Variants in CCM2 observed in about 807,000 individuals in gnomAD.
CCM2 encodes cerebral cavernous malformations 2 protein.
CCM2 carries 25 observed loss-of-function variants against 44.9 expected under a neutral mutation model. That is an observed-to-expected ratio of 0.56 (90% CI 0.41 to 0.78). The LOEUF (loss-of-function observed/expected upper bound fraction) is 0.78, where lower values mean the gene tolerates loss of function less well. Ranked by LOEUF, CCM2 falls within the 30% of genes least tolerant of loss-of-function variation. The probability of loss-of-function intolerance (pLI) is 0.00; values close to 1 mark genes in which losing one functional copy is unlikely to be tolerated. For missense variants in CCM2, 481 were observed against 580.6 expected (o/e 0.83, Z 1.76); for synonymous variants, 219 against 241.1 (o/e 0.91, Z 0.85).
intron 1 of CCM2, among the ~76,000 whole-genome samples, chr7:45,020,028 A>G (rs1019431228): frequency 2.6e-5 from 4 of 152,010 alleles, no homozygotes; most frequent in Admixed American, 6.5e-5. Flanking sequence ...CTCCTTTCCT[A>G]TATTTCCCTC....
chr7:45,064,735 C>T (rs1798690991), intron 4 of CCM2, 89 bp downstream of exon 4: 3 of 1,364,074 alleles, frequency 2.2e-6, no homozygotes, highest in African/African-American at 1.4e-5. Flanking sequence ...TTTGCAGCTT[C>T]GTGTTGGGTG....
intron 1 of CCM2, among the ~76,000 whole-genome samples, chr7:45,011,135 A>T (rs540774491): frequency 6.6e-6 from 1 of 152,172 alleles, no homozygotes; most frequent in African/African-American, 2.4e-5. Context: ...AAACTCCTGC[A>T]GTTCTCATGC....
chr7:45,000,853 C>T (rs1223457822), intron 1 of CCM2, among the ~76,000 whole-genome samples: 1 of 152,200 alleles, frequency 6.6e-6, no homozygotes, highest in Non-Finnish European at 1.5e-5. Flanking sequence ...ACGCTAGCTA[C>T]ATTTGGCAGT....
chr7:45,061,236 GT>G (rs912017167), intron 2 of CCM2, among the ~76,000 whole-genome samples: 2 of 152,144 alleles, frequency 1.3e-5, no homozygotes, highest in Non-Finnish European at 1.5e-5. Context: ...AGGTCTCAGT[GT>G]TTTAGTGAAC....
chr7:45,073,031 G>A, intron 7 of CCM2: 1 of 623,944 alleles, frequency 1.6e-6, no homozygotes, highest in South Asian at 1.8e-5. Context: ...CCAAGAGTGA[G>A]CTTGTAATAG....
chr7:45,049,162 G>C (rs1248819105), intron 2 of CCM2, among the ~76,000 whole-genome samples: 1 of 152,072 alleles, frequency 6.6e-6, no homozygotes, highest in Non-Finnish European at 1.5e-5. Flanking sequence ...TTGCCATGTT[G>C]CCCAGGCTGG....
chr7:45,035,735 G>A (rs951843032), intron 1 of CCM2, among the ~76,000 whole-genome samples: 3 of 152,106 alleles, frequency 2.0e-5, no homozygotes, highest in African/African-American at 4.8e-5. Context: ...TTGGGGGCAC[G>A]AATGAAGAGC....
intron 1 of CCM2, among the ~76,000 whole-genome samples, chr7:45,033,481 G>C (rs542919000): frequency 6.6e-4 from 101 of 152,292 alleles, no homozygotes; most frequent in African/African-American, 2.2e-3. Context: ...CTAACAGGCA[G>C]CTTTCAGAAG....
chr7:45,048,430 T>G (rs1797856611), intron 2 of CCM2, among the ~76,000 whole-genome samples: 1 of 152,250 alleles, frequency 6.6e-6, no homozygotes, highest in South Asian at 2.1e-4. Context: ...TGTTTTGGAA[T>G]GCTTACTGTG....
At chr7:45,018,019 A>C (rs112499106) in intron 1 of CCM2, among the ~76,000 whole-genome samples, 1 of 151,314 alleles carries the variant, frequency 6.6e-6, no homozygotes, top group East Asian at 1.9e-4. Context: ...CGTGGCAGAC[A>C]GTTTTTCCAT....
intron 1 of CCM2, among the ~76,000 whole-genome samples, chr7:45,008,932 G>A (rs527901836): frequency 2.0e-5 from 3 of 152,170 alleles, no homozygotes; most frequent in East Asian, 1.9e-4. Flanking sequence ...AGTATTGTCC[G>A]TCTTTCTTGA....
chr7:45,067,113 G>A (rs929797058), intron 4 of CCM2, among the ~76,000 whole-genome samples: 4 of 151,972 alleles, frequency 2.6e-5, no homozygotes, highest in Non-Finnish European at 5.9e-5. Flanking sequence ...TGTTAGCCAG[G>A]ATGATCTTGA....
chr7:45,068,593 G>C lies in CCM2; in HGVS notation c.609+14G>C. On this transcript the variant is annotated intron_variant, in intron 5 of 9. Coordinates refer to ENST00000258781, the MANE Select transcript of CCM2 (RefSeq NM_031443.4). ...GCAGAGAGCAAGGTGAGACTTTCTC[G>C]CCCCACTTACTCAGAACTGGCTCCT... The C allele has an allele frequency of 6.2e-7, 1 of 1,613,548 alleles. No homozygotes were observed. The highest frequency in any genetic ancestry group is 8.5e-7 in the Non-Finnish European group (1 of 1,179,980).
intron 7 of CCM2, 33 bp from the exon 8 acceptor site, chr7:45,073,427 A>G: frequency 6.6e-7 from 1 of 1,522,704 alleles, no homozygotes; most frequent in South Asian, 1.1e-5. Flanking sequence ...GGGTCGGGGA[A>G]GCCACCCGCT....
At chr7:45,014,611 C>A (rs1367252323) in intron 1 of CCM2, among the ~76,000 whole-genome samples, 1 of 148,422 alleles carries the variant, frequency 6.7e-6, no homozygotes, top group African/African-American at 2.5e-5. Context: ...CAACTCCTGG[C>A]CAGTCTTAAC....
chr7:45,020,332 TTC>T (rs1035940728), intron 1 of CCM2, among the ~76,000 whole-genome samples: 2 of 152,348 alleles, frequency 1.3e-5, no homozygotes, highest in South Asian at 2.1e-4. Context: ...TACAGTCTAC[TTC>T]TCTCTTAAGG....
rs548463719 is a variant in CCM2 at position 45,015,028 on chromosome 7, C to T, written c.30+14665C>T. ...TTGTCTTTCTTTAAACACTTTCTTA[C>T]ATTTGCTAAAACAAGATGTTTCAGC... is the stretch of plus-strand genomic sequence containing the variant. On this transcript the variant is annotated intron_variant, in intron 1 of 9. Coordinates refer to ENST00000258781, the MANE Select transcript of CCM2 (RefSeq NM_031443.4). 1.3e-3 allele frequency among the ~76,000 whole-genome samples: 191 copies of T among 152,316 alleles called. 1 individual carries two copies. Among genetic ancestry groups the T allele is most frequent in the African/African-American group, 4.3e-3 (180 of 41,574 alleles).
At chr7:45,057,567 T>C (rs555487850) in intron 2 of CCM2, among the ~76,000 whole-genome samples, 4 of 152,304 alleles carry the variant, frequency 2.6e-5, no homozygotes, top group African/African-American at 9.6e-5. Flanking sequence ...ATGAAAATAG[T>C]TGAAATTTAT....
At chr7:45,073,968 T>G in intron 8 of CCM2, 5 of 548,812 alleles carry the variant, frequency 9.1e-6, no homozygotes. Context: ...GCACAGGCAT[T>G]GGCCCCGGGC....
Sources: allele counts gnomAD v4.1 joint callset (sites outside exome capture counted in the v4.1 genomes callset), GRCh38; gene constraint gnomAD v4.1.1; transcripts MANE v1.5; gene names NCBI Gene and HGNC (gene_info 2026-07-23, HGNC 2026-07-21).